Variants in LONP1 observed in about 807,000 individuals in gnomAD.
The protein encoded by LONP1 is lon protease homolog, mitochondrial.
Under a neutral mutation model 98.5 loss-of-function variants are expected in LONP1, and 31 were observed. The ratio of observed to expected loss-of-function variants is 0.31; its 90% CI spans 0.24 to 0.42. The LOEUF is 0.42. LONP1 is among the 20% of genes least tolerant of loss of function. The probability of loss-of-function intolerance (pLI) is 1.00; values close to 1 mark genes in which losing one functional copy is unlikely to be tolerated. For synonymous variants in LONP1, 781 were observed against 594.7 expected (o/e 1.31, Z -4.56); for missense variants, 1,336 against 1,350.6 (o/e 0.99, Z 0.17).
intron 13 of LONP1, 147 bp downstream of exon 13, chr19:5,695,907 G>C (rs62107403): frequency 1.2e-4 from 81 of 668,658 alleles, no homozygotes; most frequent in South Asian, 3.9e-4. Flanking sequence ...CGTCTGGTGT[G>C]TCTCTCACGG....
intron 10 of LONP1, among the ~76,000 whole-genome samples, chr19:5,698,149 G>T: frequency 8.9e-6 from 1 of 112,442 alleles, no homozygotes. Flanking sequence ...CCCAACTCCC[G>T]GCTGGTCAGA....
intron 6 of LONP1, 86 bp downstream of exon 6, chr19:5,707,611 G>GC: frequency 6.8e-7 from 1 of 1,473,690 alleles, no homozygotes; most frequent in Non-Finnish European, 9.3e-7. Flanking sequence ...AGCTGAGGAG[G>GC]AACGGGGGCA....
At chr19:5,708,252 G>A in intron 5 of LONP1, 90 bp downstream of exon 5, 1 of 1,315,518 alleles carries the variant, frequency 7.6e-7, no homozygotes. Context: ...TTCCTCCCAG[G>A]AGGACGCTGA....
chr19:5,696,125 G>A lies in LONP1; in HGVS notation c.1942C>T (p.Pro648Ser), dbSNP rs1419636367. ...ATCATCTCCATACGGTCTCGCAGCG[G>A]CTCGGGGATGGTGTCCGTGACGTTG... is the stretch of plus-strand genomic sequence containing the variant. ...TANVTDTIPEPLRDRMEMINV... is the reference protein window; with the variant it reads ...TANVTDTIPESLRDRMEMINV... Residue 648 changes from proline (P) to serine (S), a missense_variant, in exon 13 of 18, where the codon CCG becomes TCG. Coordinates refer to ENST00000360614, the MANE Select transcript of LONP1 (RefSeq NM_004793.4). The A allele has an allele frequency of 6.2e-7, 1 of 1,613,078 alleles. No homozygotes were observed. Among genetic ancestry groups the A allele is most frequent in the Non-Finnish European group, 8.5e-7 (1 of 1,179,924 alleles).
chr19:5,695,782 C>T (rs1411385257), intron 13 of LONP1, among the ~76,000 whole-genome samples: 1 of 152,238 alleles, frequency 6.6e-6, no homozygotes, highest in East Asian at 1.9e-4. Context: ...CACCATGGGG[C>T]AGCCTGGAGG....
At chr19:5,704,478 C>T (rs1442613879) in intron 8 of LONP1, among the ~76,000 whole-genome samples, 1 of 152,164 alleles carries the variant, frequency 6.6e-6, no homozygotes, top group Non-Finnish European at 1.5e-5. Context: ...AGGCGGGGTC[C>T]TGGGCCAGCA....
At chr19:5,698,189 G>A (rs925064856) in intron 10 of LONP1, among the ~76,000 whole-genome samples, 17 of 151,992 alleles carry the variant, frequency 1.1e-4, no homozygotes, top group Non-Finnish European at 2.2e-4. Flanking sequence ...TGGACACTGC[G>A]CGGGCCAGCA....
rs577924545 is a variant in LONP1, at chr19:5,701,435, G to A, written c.1368-508C>T. On this transcript the variant is annotated intron_variant, in intron 8 of 17. Coordinates refer to ENST00000360614, the MANE Select transcript of LONP1 (RefSeq NM_004793.4). The stretch of plus-strand genomic sequence containing the variant: ...TGGCTCACTGCAACCTCCCTGCCTG[G>A]TTCTCCTGCCTGAGCCTGCCGAGTG... 4.2e-4 allele frequency among the ~76,000 whole-genome samples: 64 copies of A among 152,262 alleles called. 3 individuals are homozygous for A. The South Asian group carries it at 9.3e-3, about 22-fold the overall frequency.
Position 5,696,057 on chromosome 19 carries a change from C to T in LONP1, c.2010G>A (p.Ala670=), listed in dbSNP as rs140957391. Reference sequence around the variant, plus strand: ...AGTGGGGAGGGGCTGGGCTTACCTCCGCAATGGCCAGCTTCTCCTGGGCCA... The same window carrying T: ...AGTGGGGAGGGGCTGGGCTTACCTCTGCAATGGCCAGCTTCTCCTGGGCCA... ...GYVAQEKLAI[A]ERYLVPQARA... The change falls in exon 13 of 18, where the codon GCG becomes GCA. Residue 670 remains alanine, a synonymous_variant. Coordinates refer to ENST00000360614, the MANE Select transcript of LONP1 (RefSeq NM_004793.4). The T allele has an allele frequency of 1.0e-4, 165 of 1,611,906 alleles. No homozygotes were observed. Among genetic ancestry groups the T allele is most frequent in the South Asian group, 6.8e-4 (62 of 91,006 alleles).
chr19:5,694,682 T>C (rs1599445401), intron 14 of LONP1, 79 bp downstream of exon 14: 1 of 1,568,472 alleles, frequency 6.4e-7, no homozygotes, highest in South Asian at 1.2e-5. Context: ...AGTGGGATGA[T>C]GGGCATGGAA....
At chr19:5,703,756 TG>T (rs2055098770) in intron 8 of LONP1, among the ~76,000 whole-genome samples, 1 of 151,842 alleles carries the variant, frequency 6.6e-6, no homozygotes, top group Non-Finnish European at 1.5e-5. Context: ...GAGAGGTAGC[TG>T]GCAGCCTGCT....
chr19:5,703,907 G>C (rs934887011), intron 8 of LONP1, among the ~76,000 whole-genome samples: 15 of 152,316 alleles, frequency 9.8e-5, no homozygotes, highest in South Asian at 2.1e-4. Flanking sequence ...GGCCCGGTCT[G>C]AGCAGGTACT....
chr19:5,718,715 G>T (rs766328956), intron 1 of LONP1, among the ~76,000 whole-genome samples: 2 of 151,670 alleles, frequency 1.3e-5, no homozygotes, highest in Non-Finnish European at 1.5e-5. Flanking sequence ...TTTTTTAAGG[G>T]AAGGGGAGCT....
At chr19:5,696,565 G>C in intron 11 of LONP1, 105 bp downstream of exon 11, 1 of 1,318,686 alleles carries the variant, frequency 7.6e-7, no homozygotes. Context: ...GCATCACGGC[G>C]ATGGCCCCTG....
intron 1 of LONP1, 39 bp from the exon 2 acceptor site, chr19:5,714,310 ATT>A: frequency 2.9e-6 from 4 of 1,360,348 alleles, no homozygotes; most frequent in South Asian, 1.3e-5. Flanking sequence ...TGCAGAGTAG[ATT>A]TTTTTTTTGA....
chr19:5,695,810 TGTGGCCTGACG>T (rs1286948648), intron 13 of LONP1, among the ~76,000 whole-genome samples: 3 of 152,174 alleles, frequency 2.0e-5, no homozygotes, highest in African/African-American at 7.2e-5. Flanking sequence ...AGACAGAGTG[TGTGGCCTGACG>T]GTGGTGGGCG....
chr19:5,705,266 G>C (rs909399812), intron 8 of LONP1, among the ~76,000 whole-genome samples: 2 of 151,872 alleles, frequency 1.3e-5, no homozygotes, highest in African/African-American at 2.4e-5. Context: ...AGACCAGCCT[G>C]AACAACATGG....
intron 10 of LONP1, among the ~76,000 whole-genome samples, chr19:5,697,245 T>C (rs759807355): frequency 6.6e-6 from 1 of 151,852 alleles, no homozygotes; most frequent in Non-Finnish European, 1.5e-5. Flanking sequence ...GAAGGCTCTG[T>C]CTGTGGGATG....
intron 8 of LONP1, among the ~76,000 whole-genome samples, chr19:5,703,089 G>A (rs994624878): frequency 9.9e-5 from 15 of 150,922 alleles, no homozygotes; most frequent in African/African-American, 3.7e-4. Context: ...GCTGAGGCAG[G>A]AGAATGGCAT....
Sources: gnomAD v4.1 joint callset for allele counts (sites outside exome capture counted in the v4.1 genomes callset) on GRCh38, gnomAD v4.1.1 for gene constraint, MANE v1.5 for transcripts, NCBI Gene and HGNC (gene_info 2026-07-23, HGNC 2026-07-21) for gene names.